ARHGAP42: variants seen among roughly 807,000 people sequenced by gnomAD.
ARHGAP42 encodes the protein rho GTPase-activating protein 42.
ARHGAP42 carries 63 observed loss-of-function variants against 125.0 expected under a neutral mutation model. The ratio of observed to expected loss-of-function variants is 0.50; its 90% confidence interval spans 0.41 to 0.62. ARHGAP42 has a LOEUF of 0.62. Among genes scored for constraint, ARHGAP42 ranks in the 20% least tolerant of loss-of-function variants. The probability of loss-of-function intolerance (pLI) is 0.00; values close to 1 mark genes in which losing one functional copy is unlikely to be tolerated. For synonymous variants in ARHGAP42, 339 were observed against 351.0 expected (o/e 0.97, Z 0.38); for missense variants, 766 against 1,024.2 (o/e 0.75, Z 3.44).
chr11:100,898,068 CA>C (rs1437451206), intron 4 of ARHGAP42, among the ~76,000 whole-genome samples: 2 of 152,120 alleles, frequency 1.3e-5, no homozygotes, highest in African/African-American at 2.4e-5. Flanking sequence ...TGAATTTTGT[CA>C]AAGGCCTTTT....
chr11:100,829,566 C>T (rs988837503), intron 3 of ARHGAP42, among the ~76,000 whole-genome samples: 2 of 152,190 alleles, frequency 1.3e-5, no homozygotes, highest in Non-Finnish European at 2.9e-5. Context: ...ACAGCTCCTC[C>T]TCAGTGACTC....
intron 5 of ARHGAP42, among the ~76,000 whole-genome samples, chr11:100,920,719 A>G (rs1274480875): frequency 6.6e-6 from 1 of 152,224 alleles, no homozygotes; most frequent in Non-Finnish European, 1.5e-5. Context: ...ATACTCTCTC[A>G]TACTTTGTCA....
chr11:100,687,570 C>A lies in ARHGAP42; in HGVS notation c.-109C>A, dbSNP rs537840849. 6.1e-5 allele frequency: 53 copies of A among 875,656 alleles called. No homozygotes were observed. In the African/African-American group the frequency reaches 9.1e-4, roughly 15 times the overall value. The allele number at this position is 875,656 out of a possible 1,614,324, so 54.2% of individuals were successfully genotyped here. On this transcript the variant is annotated 5_prime_UTR_variant, in exon 1 of 24. Transcript: ENST00000298815. The stretch of plus-strand genomic sequence containing the variant: ...CGCAATCAGTCCCCTCGCGTCCCGG[C>A]GCCTTCCCCGCGATCGCGCGACCCC...
At chr11:100,924,959 G>A (rs1054938868) in intron 6 of ARHGAP42, among the ~76,000 whole-genome samples, 5 of 151,926 alleles carry the variant, frequency 3.3e-5, no homozygotes, top group African/African-American at 1.2e-4. Flanking sequence ...TCCTGAGCGA[G>A]TAGCTGAAAT....
At chr11:100,860,175 G>T (rs1160585472) in intron 4 of ARHGAP42, among the ~76,000 whole-genome samples, 1 of 152,012 alleles carries the variant, frequency 6.6e-6, no homozygotes, top group Non-Finnish European at 1.5e-5. Context: ...CATCATGGGA[G>T]CATATAAAAC....
chr11:100,910,780 T>C (rs1388054733), intron 4 of ARHGAP42, among the ~76,000 whole-genome samples: 1 of 151,914 alleles, frequency 6.6e-6, no homozygotes, highest in East Asian at 1.9e-4. Flanking sequence ...GCCTAGTCTT[T>C]TATCTCAGCT....
intron 3 of ARHGAP42, among the ~76,000 whole-genome samples, chr11:100,845,541 G>A (rs1297559873): frequency 6.6e-6 from 1 of 152,052 alleles, no homozygotes; most frequent in Non-Finnish European, 1.5e-5. Flanking sequence ...TTTCCTGGAA[G>A]CATAGTCCTT....
rs1408625455 is a variant in ARHGAP42 at position 100,866,256 on chromosome 11, C to A, written c.384+6631C>A. On this transcript the variant is annotated intron_variant, in intron 4 of 23. Transcript: ENST00000298815. ...CTCCACTTCTAATTCTAGCTCTCTT[C>A]CTGTTTCCACCACATTTGCAGGAAG... Among the ~76,000 whole-genome samples, 10 of 152,178 alleles carry A rather than the reference C, an allele frequency of 6.6e-5. No homozygotes were observed. In the East Asian group the frequency reaches 1.5e-3, roughly 23 times the overall value.
chr11:100,961,015 A>G (rs768420226), intron 14 of ARHGAP42, 26 bp downstream of exon 14: 6 of 1,490,678 alleles, frequency 4.0e-6, no homozygotes, highest in South Asian at 2.7e-5. Flanking sequence ...AGCAACTTAC[A>G]TAATTTTTGT....
chr11:100,821,278 G>A (rs1365890228), intron 3 of ARHGAP42, among the ~76,000 whole-genome samples: 1 of 152,046 alleles, frequency 6.6e-6, no homozygotes, highest in Non-Finnish European at 1.5e-5. Flanking sequence ...GGCCCTTTCA[G>A]GTGGGAGGAG....
At chr11:100,745,081 C>T (rs1291917973) in intron 1 of ARHGAP42, among the ~76,000 whole-genome samples, 3 of 151,886 alleles carry the variant, frequency 2.0e-5, no homozygotes, top group African/African-American at 7.3e-5. Flanking sequence ...AGCAAGAAAT[C>T]GGAATGAGTC....
chr11:100,868,622 T>C (rs1431455387), intron 4 of ARHGAP42, among the ~76,000 whole-genome samples: 1 of 150,768 alleles, frequency 6.6e-6, no homozygotes, highest in Non-Finnish European at 1.5e-5. Flanking sequence ...GCACAGAAGA[T>C]ATTCCTCTTC....
At chr11:100,839,071 A>G (rs1288156821) in intron 3 of ARHGAP42, among the ~76,000 whole-genome samples, 1 of 152,156 alleles carries the variant, frequency 6.6e-6, no homozygotes, top group African/African-American at 2.4e-5. Context: ...TCATCTACAG[A>G]ACACAGCTAT....
At chr11:100,760,754 A>G (rs1192031618) in intron 1 of ARHGAP42, among the ~76,000 whole-genome samples, 1 of 152,100 alleles carries the variant, frequency 6.6e-6, no homozygotes, top group South Asian at 2.1e-4. Flanking sequence ...ACAAATGTAT[A>G]TGACACCAAG....
chr11:100,936,402 T>C (rs995099526), intron 8 of ARHGAP42, 70 bp downstream of exon 8: 2 of 1,516,750 alleles, frequency 1.3e-6, no homozygotes, highest in Non-Finnish European at 1.8e-6. Flanking sequence ...ACTTGGTTAG[T>C]AGTATTTCCT....
intron 4 of ARHGAP42, among the ~76,000 whole-genome samples, chr11:100,909,337 T>C (rs897092707): frequency 4.4e-5 from 4 of 91,144 alleles, no homozygotes; most frequent in Non-Finnish European, 6.3e-5. Flanking sequence ...CTAGGACTTT[T>C]CTTGTTTTTT....
intron 3 of ARHGAP42, among the ~76,000 whole-genome samples, chr11:100,838,071 CTGTT>C (rs1194225635): frequency 2.0e-5 from 3 of 151,682 alleles, no homozygotes; most frequent in African/African-American, 4.8e-5. Flanking sequence ...GTCTGTCTGT[CTGTT>C]TGTTTTTGTT....
At chr11:100,789,392 C>G (rs551146172) in intron 2 of ARHGAP42, among the ~76,000 whole-genome samples, 2 of 152,038 alleles carry the variant, frequency 1.3e-5, no homozygotes, top group African/African-American at 2.4e-5. Context: ...AGCTGAGGAC[C>G]GAGGGGAGTG....
At chr11:100,811,998 C>G (rs1864155746) in intron 3 of ARHGAP42, among the ~76,000 whole-genome samples, 2 of 151,802 alleles carry the variant, frequency 1.3e-5, no homozygotes, top group Non-Finnish European at 1.5e-5. Flanking sequence ...GGGGTCTCTC[C>G]CCATGTTGCC....
Sources: allele counts gnomAD v4.1 joint callset (sites outside exome capture counted in the v4.1 genomes callset), GRCh38; gene constraint gnomAD v4.1.1; transcripts MANE v1.5; gene names NCBI Gene and HGNC (gene_info 2026-07-23, HGNC 2026-07-21).